PDE11A: variants seen among roughly 807,000 people sequenced by gnomAD.
PDE11A encodes dual 3',5'-cyclic-AMP and -GMP phosphodiesterase 11A.
Under a neutral mutation model 100.5 loss-of-function variants are expected in PDE11A, and 100 were observed. The observed-to-expected ratio is 1.00, with a 90% confidence interval of 0.85 to 1.18. PDE11A has a LOEUF of 1.18. Ranked by LOEUF, PDE11A falls within the 50% of genes most tolerant of loss-of-function variation. The pLI is 0.00. For synonymous variants in PDE11A, 381 were observed against 420.8 expected (o/e 0.91, Z 1.16); for missense variants, 1,141 against 1,152.6 (o/e 0.99, Z 0.15).
rs115962981 is a variant in PDE11A, at chr2:177,874,291, G to T, written c.1367+1568C>A. Among the ~76,000 whole-genome samples the T allele has an allele frequency of 2.3e-3, 352 of 152,198 alleles. 1 individual carries two copies. Among genetic ancestry groups the T allele is most frequent in the Non-Finnish European group, 4.2e-3 (286 of 68,006 alleles). On this transcript the variant is annotated intron_variant, in intron 5 of 19. Coordinates refer to ENST00000286063, the MANE Select transcript of PDE11A (RefSeq NM_016953.4). ...GAATGCCTACTTCAAAAGATTGTTTGGGGGATTAAATGCTTATAAATCATT... is the reference window on the plus strand; with the variant it reads ...GAATGCCTACTTCAAAAGATTGTTTTGGGGATTAAATGCTTATAAATCATT...
intron 10 of PDE11A, among the ~76,000 whole-genome samples, chr2:177,734,694 G>A (rs1310720214): frequency 6.6e-6 from 1 of 152,152 alleles, no homozygotes; most frequent in Non-Finnish European, 1.5e-5. Flanking sequence ...AGCATTCTTT[G>A]TATAAACAAT....
intron 17 of PDE11A, among the ~76,000 whole-genome samples, 167 bp downstream of exon 17, chr2:177,675,288 A>G (rs925102782): frequency 2.7e-5 from 4 of 150,460 alleles, no homozygotes; most frequent in Non-Finnish European, 4.4e-5. Context: ...GGGCTGTGCA[A>G]TAAACTGTGT....
intron 2 of PDE11A, among the ~76,000 whole-genome samples, chr2:177,937,501 C>T (rs35726367): frequency 0.086 from 13,112 of 151,792 alleles, 538 homozygotes; most frequent in South Asian, 0.099. Flanking sequence ...GTATTTTCAG[C>T]AGAGACGGGG....
intron 7 of PDE11A, among the ~76,000 whole-genome samples, chr2:177,818,307 G>A (rs6709092): frequency 0.33 from 45,946 of 138,824 alleles, 7,847 homozygotes; most frequent in African/African-American, 0.5. Flanking sequence ...ATATATATAT[G>A]TGTGTATATA....
At chr2:178,073,974 A>G (rs889918485), upstream of PDE11A, among the ~76,000 whole-genome samples, 4 of 152,194 alleles carry the variant, frequency 2.6e-5, no homozygotes, top group Non-Finnish European at 5.9e-5. Context: ...AAATAATCCA[A>G]ATGTCCATCA....
chr2:178,101,120 A>T (rs1417305203), intron 2 of PDE11A, among the ~76,000 whole-genome samples: 1 of 152,202 alleles, frequency 6.6e-6, no homozygotes, highest in African/African-American at 2.4e-5. Context: ...CACCAGCTGC[A>T]AGCTCAGCGG....
intron 1 of PDE11A, 143 bp downstream of exon 1, chr2:178,071,383 T>C (rs2087126149): frequency 1.1e-6 from 1 of 926,936 alleles, no homozygotes; most frequent in South Asian, 1.5e-5. Flanking sequence ...ACATTCTAAC[T>C]AGTCTAAACT....
intron 15 of PDE11A, among the ~76,000 whole-genome samples, chr2:177,693,440 A>G (rs941533307): frequency 6.6e-6 from 1 of 152,200 alleles, no homozygotes; most frequent in African/African-American, 2.4e-5. Context: ...ACCATAGTGG[A>G]GAACAACAAA....
chr2:177,704,585 TAAATA>T (rs1440278800), intron 13 of PDE11A, among the ~76,000 whole-genome samples: 2 of 151,612 alleles, frequency 1.3e-5, no homozygotes, highest in Non-Finnish European at 2.9e-5. Flanking sequence ...AAAAAATAAA[TAAATA>T]AAACATATCT....
At chr2:178,053,712 C>A (rs2086858814) in intron 1 of PDE11A, among the ~76,000 whole-genome samples, 3 of 152,242 alleles carry the variant, frequency 2.0e-5, no homozygotes, top group Middle Eastern at 6.8e-3. Flanking sequence ...TTCCTATATA[C>A]CAACAATAGA....
chr2:177,726,623 G>C (rs528518219), intron 12 of PDE11A, among the ~76,000 whole-genome samples: 18 of 150,982 alleles, frequency 1.2e-4, no homozygotes, highest in Non-Finnish European at 1.8e-4. Context: ...TGCCTTAAAG[G>C]ATGAGTAAAA....
chr2:178,053,433 A>G (rs550378473), intron 1 of PDE11A, among the ~76,000 whole-genome samples: 84 of 152,342 alleles, frequency 5.5e-4, no homozygotes, highest in Admixed American at 1.6e-3. Flanking sequence ...AACTGGAAGC[A>G]TTCCCTTTGA....
intron 4 of PDE11A, among the ~76,000 whole-genome samples, chr2:177,897,027 A>G (rs1220010579): frequency 2.6e-5 from 4 of 152,218 alleles, no homozygotes; most frequent in Non-Finnish European, 5.9e-5. Context: ...AAGTCTTACA[A>G]TACTTATTAA....
chr2:177,754,634 G>C (rs2082066726), intron 10 of PDE11A, among the ~76,000 whole-genome samples: 1 of 152,140 alleles, frequency 6.6e-6, no homozygotes, highest in Admixed American at 6.5e-5. Flanking sequence ...GGCACAGTAT[G>C]CGGTCAGTGT....
At chr2:177,962,547 A>G (rs1420391430) in intron 2 of PDE11A, among the ~76,000 whole-genome samples, 1 of 152,184 alleles carries the variant, frequency 6.6e-6, no homozygotes, top group African/African-American at 2.4e-5. Flanking sequence ...TTAAAGTGAT[A>G]GCTCTAGATT....
At chr2:178,048,790 T>C (rs1251054810) in intron 1 of PDE11A, among the ~76,000 whole-genome samples, 3 of 152,240 alleles carry the variant, frequency 2.0e-5, no homozygotes, top group Non-Finnish European at 4.4e-5. Flanking sequence ...ATCTGTTTCA[T>C]AAGCCATAAA....
chr2:177,755,860 T>C (rs535493474), intron 10 of PDE11A, among the ~76,000 whole-genome samples: 1 of 152,300 alleles, frequency 6.6e-6, no homozygotes, highest in South Asian at 2.1e-4. Context: ...AGGCTTTTCA[T>C]ATTTGGCCCA....
chr2:177,938,306 A>ACTCCAC (rs2085303567), intron 2 of PDE11A, among the ~76,000 whole-genome samples: 1 of 152,174 alleles, frequency 6.6e-6, no homozygotes, highest in Non-Finnish European at 1.5e-5. Context: ...CACAGTAAGG[A>ACTCCAC]GGTAGGGTTA....
chr2:177,885,313 G>A lies in PDE11A; in HGVS notation c.1303-9390C>T, dbSNP rs371731982. 2.5e-4 allele frequency among the ~76,000 whole-genome samples: 38 copies of A among 152,000 alleles called. 2 individuals are homozygous for A. Among genetic ancestry groups the A allele is most frequent in the South Asian group, 1.9e-3 (9 of 4,804 alleles). ...CTGCATCCACAACCAAATGCAGGTC[G>A]AAAATACAGCATTCAGGGCAATGTG... is the stretch of plus-strand genomic sequence containing the variant. On this transcript the variant is annotated intron_variant, in intron 4 of 19. Coordinates refer to ENST00000286063, the MANE Select transcript of PDE11A (RefSeq NM_016953.4).
Sources: allele counts gnomAD v4.1 joint callset (sites outside exome capture counted in the v4.1 genomes callset), GRCh38; gene constraint gnomAD v4.1.1; transcripts MANE v1.5; gene names NCBI Gene and HGNC (gene_info 2026-07-23, HGNC 2026-07-21).